The following ADGRL2 variants were observed in gnomAD, a reference collection of about 807,000 sequenced individuals.
ADGRL2 encodes the protein adhesion G protein-coupled receptor L2.
ADGRL2 carries 44 observed loss-of-function variants against 157.4 expected under a neutral mutation model. That is an observed-to-expected ratio of 0.28 (90% CI 0.22 to 0.36). ADGRL2 has a LOEUF of 0.36. ADGRL2 is among the 10% of genes least tolerant of loss of function. ADGRL2 has a pLI of 1.00. For missense variants in ADGRL2, 1,510 were observed against 1,768.9 expected, an observed-to-expected ratio of 0.85 and a Z score of 2.63; for synonymous variants, 585 against 624.7, an observed-to-expected ratio of 0.94 and a Z score of 0.95.
rs773922928 is a variant in ADGRL2 at position 81,966,020 on chromosome 1, CT to C, written c.2018-32del. 5.6e-6 allele frequency: 9 copies of C among 1,604,812 alleles called. No homozygotes were observed. In the East Asian group the frequency reaches 8.9e-5, roughly 16 times the overall value. ...CTCCTTAGTTAACTCTTAAAGAATC[CT>C]TTTTTCCCCACCTCCTTTATCTTTT... On this transcript the variant is annotated intron_variant, in intron 11 of 23. Coordinates refer to ENST00000686636, the MANE Select transcript of ADGRL2 (RefSeq NM_001366006.2).
In ADGRL2 at chr1:81,601,880, A is replaced by T. The variant is rs181469652; in HGVS notation, c.-143+20900A>T. Among the ~76,000 whole-genome samples the T allele has an allele frequency of 2.6e-5, 4 of 152,330 alleles. No homozygotes were observed. The East Asian group carries it at 5.8e-4, about 22-fold the overall frequency. On this transcript the variant is annotated intron_variant, in intron 3 of 24. Coordinates refer to the ADGRL2 transcript ENST00000370721. ...GTGAACATCAGAGCCAGAAAAGTAT[A>T]TATAGGGAGAAGAAAGAGGCAGAAT...
Position 81,943,718 on chromosome 1 carries a change from A to C in ADGRL2, c.1159A>C (p.Asn387His). The C allele has an allele frequency of 6.2e-7, 1 of 1,613,528 alleles. No individual in the cohort carries two copies. The highest frequency in any genetic ancestry group is 8.5e-7 in the Non-Finnish European group (1 of 1,179,594). The change falls in exon 6 of 24, where the codon AAC (asparagine) becomes CAC (histidine). Residue 387 changes from asparagine (N) to histidine (H), a missense_variant. Physicochemically the swap from Asn to His is moderately conservative, Grantham distance 68. Coordinates refer to ENST00000686636, the MANE Select transcript of ADGRL2 (RefSeq NM_001366006.2). This position sits in a 1 kb window ranked among gnomAD's most constrained non-coding sequence, Gnocchi z 5.6. ...TAACCAACTTTACGTGTGGAACAAT[A>C]ACTTCATTTTACGATATTCTCTGGA... ...RDNQLYVWNN[N>H]FILRYSLEFG...
rs892216692 is a variant in ADGRL2, at chr1:81,444,033, C to T, written c.-301-1003C>T. 3.3e-5 allele frequency among the ~76,000 whole-genome samples: 5 copies of T among 152,120 alleles called. No individual in the cohort carries two copies. In the South Asian group the frequency reaches 6.2e-4, roughly 19 times the overall value. ...TAGTGTCAGAGGACAAGAAAAGGTCCGGAGACCCACTTGTAGCCAGAGTTT... is the reference window on the plus strand; with the variant it reads ...TAGTGTCAGAGGACAAGAAAAGGTCTGGAGACCCACTTGTAGCCAGAGTTT... On this transcript the variant is annotated intron_variant, in intron 1 of 24. Transcript: ENST00000370721.
At chr1:81,680,315 T>G (rs887980326) in intron 3 of ADGRL2, among the ~76,000 whole-genome samples, 2 of 152,238 alleles carry the variant, frequency 1.3e-5, no homozygotes, top group African/African-American at 4.8e-5. Flanking sequence ...TCTTCTTATA[T>G]TTCTTTGTTG....
At chr1:81,820,755 C>A (rs1184240332) in intron 1 of ADGRL2, among the ~76,000 whole-genome samples, 1 of 151,464 alleles carries the variant, frequency 6.6e-6, no homozygotes, top group Admixed American at 6.6e-5. Flanking sequence ...AAACAAAAAA[C>A]CCCACAATAT....
Position 81,553,112 on chromosome 1 carries a change from G to A in ADGRL2, c.-247-27764G>A, listed in dbSNP as rs546434155. On this transcript the variant is annotated intron_variant, in intron 2 of 24. Transcript: ENST00000370721. ...TTTGGGAACAGAAAAGAGCTTAGCT[G>A]GAAGTTGTAAAGGAAGAATAAATTT... Among the ~76,000 whole-genome samples, 19 of 152,128 alleles carry A rather than the reference G, an allele frequency of 1.2e-4. No individual in the cohort carries two copies. In the South Asian group the frequency reaches 2.9e-3, roughly 23 times the overall value.
chr1:81,567,086 T>C (rs917900611), intron 2 of ADGRL2, among the ~76,000 whole-genome samples: 1 of 152,104 alleles, frequency 6.6e-6, no homozygotes, highest in Non-Finnish European at 1.5e-5. Context: ...TAAAGATTCA[T>C]CTTTTTAGAC....
chr1:81,807,254 T>A (rs1314079211), intron 1 of ADGRL2, among the ~76,000 whole-genome samples: 2 of 151,946 alleles, frequency 1.3e-5, no homozygotes, highest in Non-Finnish European at 1.5e-5. Context: ...GGATAACTTT[T>A]GTTGCTATTT....
chr1:81,339,890 T>G (rs541418522), intron 1 of ADGRL2, among the ~76,000 whole-genome samples: 1 of 152,328 alleles, frequency 6.6e-6, no homozygotes, highest in Admixed American at 6.5e-5. Context: ...AGTTCATATG[T>G]TCCTTCCTCT....
At chr1:81,746,075 G>A (rs1202986198) in intron 1 of ADGRL2, among the ~76,000 whole-genome samples, 4 of 152,096 alleles carry the variant, frequency 2.6e-5, no homozygotes, top group African/African-American at 9.7e-5. Context: ...AACCTTCAGA[G>A]ATATTTGTTT....
Position 81,736,015 on chromosome 1 carries a change from C to T in ADGRL2, c.-142-25796C>T, listed in dbSNP as rs1321047026. On this transcript the variant is annotated intron_variant, in intron 1 of 20. Coordinates refer to the ADGRL2 transcript ENST00000359929. ...AAAATTAGCCAGGCATGGTGGCAGGCGCCTGTAATCCCAGCTACTAGGGAG... is the reference window on the plus strand; with the variant it reads ...AAAATTAGCCAGGCATGGTGGCAGGTGCCTGTAATCCCAGCTACTAGGGAG... 5.6e-5 allele frequency among the ~76,000 whole-genome samples: 8 copies of T among 143,264 alleles called. No individual in the cohort carries two copies. The South Asian group carries it at 6.8e-4, about 12-fold the overall frequency. The allele number at this position is 143,264 out of a possible 152,430, so 94.0% of individuals were successfully genotyped here.
At chr1:81,662,212 A>G (rs509585) in intron 3 of ADGRL2, among the ~76,000 whole-genome samples, 117,470 of 150,470 alleles carry the variant, frequency 0.78, 46,505 homozygotes, top group African/African-American at 0.88. Context: ...ATTGACTATA[A>G]TCACCCTACT....
rs141002992 is a variant in ADGRL2 at position 81,413,646 on chromosome 1, T to C, written c.-301-31390T>C. Among the ~76,000 whole-genome samples the C allele has an allele frequency of 3.6e-3, 546 of 152,316 alleles. 2 individuals carry two copies. Among genetic ancestry groups the C allele is most frequent in the African/African-American group, 0.012 (514 of 41,574 alleles). ...ATGACTACTTATCAGGGTTTAAAAA[T>C]ATAAAGGCAAATAAAGATTGGTCTT... is the stretch of plus-strand genomic sequence containing the variant. On this transcript the variant is annotated intron_variant, in intron 1 of 24. Coordinates refer to the ADGRL2 transcript ENST00000370721.
intron 1 of ADGRL2, among the ~76,000 whole-genome samples, chr1:81,748,171 A>T (rs950095266): frequency 4.6e-5 from 7 of 152,124 alleles, no homozygotes; most frequent in African/African-American, 1.4e-4. Flanking sequence ...TAAAATGGTC[A>T]ATTTTTGTTT....
chr1:81,367,244 T>C (rs1255631153), intron 1 of ADGRL2, among the ~76,000 whole-genome samples: 4 of 152,224 alleles, frequency 2.6e-5, no homozygotes, highest in Non-Finnish European at 5.9e-5. Context: ...CCAGAGTACA[T>C]ATGCAGAATG....
intron 1 of ADGRL2, among the ~76,000 whole-genome samples, chr1:81,743,296 G>A (rs560456472): frequency 5.9e-5 from 9 of 152,000 alleles, no homozygotes; most frequent in Admixed American, 2.6e-4. Flanking sequence ...AATAGAAAAC[G>A]GCAGGTCAGC....
intron 3 of ADGRL2, among the ~76,000 whole-genome samples, chr1:81,621,890 C>A (rs1407693789): frequency 1.3e-5 from 2 of 152,150 alleles, no homozygotes; most frequent in African/African-American, 4.8e-5. Flanking sequence ...CAGCTTGACT[C>A]CCTCACTTCC....
intron 1 of ADGRL2, among the ~76,000 whole-genome samples, chr1:81,726,852 G>T (rs993023662): frequency 1.3e-5 from 2 of 152,178 alleles, no homozygotes; most frequent in East Asian, 3.8e-4. Context: ...GCCTGAATAA[G>T]AATCCATCCT....
chr1:81,603,195 C>T (rs1026897307), intron 3 of ADGRL2, among the ~76,000 whole-genome samples: 18 of 152,022 alleles, frequency 1.2e-4, no homozygotes, highest in African/African-American at 4.3e-4. Context: ...TTCCTGTCTC[C>T]AAATCTAACC....
Sources: gnomAD v4.1 joint callset for allele counts (sites outside exome capture counted in the v4.1 genomes callset) on GRCh38, gnomAD v4.1.1 for gene constraint, Gnocchi (gnomAD v3.1) non-coding constraint, MANE v1.5 for transcripts, NCBI Gene and HGNC (gene_info 2026-07-23, HGNC 2026-07-21) for gene names.